Variants in WWP1 observed in about 807,000 individuals in gnomAD.
WWP1 encodes NEDD4-like E3 ubiquitin-protein ligase WWP1.
WWP1 carries 49 observed loss-of-function variants against 130.6 expected under a neutral mutation model. The ratio of observed to expected loss-of-function variants is 0.38; its 90% CI spans 0.30 to 0.48. The LOEUF (loss-of-function observed/expected upper bound fraction) is 0.48. Among genes scored for constraint, WWP1 ranks in the 20% least tolerant of loss-of-function variants. The probability of loss-of-function intolerance (pLI) is 0.99; values close to 1 mark genes in which losing one functional copy is unlikely to be tolerated. For missense variants in WWP1, 809 were observed against 1,100.6 expected (o/e 0.74, Z 3.75); for synonymous variants, 332 against 367.8 (o/e 0.90, Z 1.11).
In WWP1 at chr8:86,412,406, G is replaced by A. The variant is rs532849695; in HGVS notation, c.1061+532G>A. On this transcript the variant is annotated intron_variant, in intron 9 of 24. Transcript: ENST00000517970. ...AACTTCCCATGATTTTCTTTAAAGA[G>A]TATTCTATATGTGTATTCCATTCGG... Among the ~76,000 whole-genome samples the A allele has an allele frequency of 3.3e-5, 5 of 152,238 alleles. No individual in the cohort carries two copies. In the South Asian group the frequency reaches 1.0e-3, roughly 32 times the overall value.
intron 2 of WWP1, 97 bp downstream of exon 2, chr8:86,369,128 T>C (rs1011299868): frequency 1.3e-5 from 2 of 152,176 alleles, no homozygotes; most frequent in Non-Finnish European, 2.9e-5. Flanking sequence ...TAATACGTTG[T>C]CATAAAAAAT....
intron 5 of WWP1, among the ~76,000 whole-genome samples, chr8:86,384,123 G>T (rs1313073629): frequency 6.6e-6 from 1 of 152,026 alleles, no homozygotes; most frequent in Non-Finnish European, 1.5e-5. Context: ...CCCTTATCAG[G>T]ACACCAGTCA....
chr8:86,351,335 A>T (rs1336990685), intron 1 of WWP1, among the ~76,000 whole-genome samples: 2 of 151,546 alleles, frequency 1.3e-5, no homozygotes, highest in East Asian at 3.9e-4. Flanking sequence ...TCAAATTTCC[A>T]CCCCCAGCTT....
At chr8:86,357,362 A>G (rs1295576925) in intron 1 of WWP1, among the ~76,000 whole-genome samples, 1 of 152,164 alleles carries the variant, frequency 6.6e-6, no homozygotes, top group Non-Finnish European at 1.5e-5. Flanking sequence ...TATGACTGCT[A>G]ACAGCCAAAT....
rs79348409 is a variant in WWP1 at position 86,445,032 on chromosome 8, A to G, written c.1998+2254A>G. Among the ~76,000 whole-genome samples the G allele has an allele frequency of 3.1e-3, 469 of 152,174 alleles. 2 individuals carry two copies. Among genetic ancestry groups the G allele is most frequent in the African/African-American group, 0.011 (447 of 41,512 alleles). The stretch of plus-strand genomic sequence containing the variant: ...CTCAGGCTGCTTCCACTCATGGCAC[A>G]AGGGGAAGCAGCGTGTATGAAAGTC... On this transcript the variant is annotated intron_variant, in intron 18 of 24. Coordinates refer to ENST00000517970, the MANE Select transcript of WWP1 (RefSeq NM_007013.4).
In WWP1 at chr8:86,467,241, T is replaced by C. The variant is rs1812225292; in HGVS notation, c.*348T>C. 5.9e-6 allele frequency: 1 copy of C among 170,616 alleles called. No homozygotes were observed. Among genetic ancestry groups the C allele is most frequent in the Non-Finnish European group, 1.2e-5 (1 of 80,752 alleles). The allele number at this position is 170,616 out of a possible 1,614,324, so 10.6% of individuals were successfully genotyped here. ...TGACAGCCATTCATTCATAAAGATC[T>C]GGATTTGCTTTACCTTGTTAATATT... On this transcript the variant is annotated 3_prime_UTR_variant, in exon 25 of 25. Coordinates refer to ENST00000517970, the MANE Select transcript of WWP1 (RefSeq NM_007013.4).
At chr8:86,363,577 C>T (rs958510798) in intron 1 of WWP1, among the ~76,000 whole-genome samples, 17 of 151,636 alleles carry the variant, frequency 1.1e-4, no homozygotes, top group African/African-American at 3.4e-4. Context: ...CGAGGTGGGC[C>T]GATCACTTGA....
At chr8:86,390,546 C>T (rs1287172078) in intron 5 of WWP1, among the ~76,000 whole-genome samples, 1 of 152,262 alleles carries the variant, frequency 6.6e-6, no homozygotes, top group East Asian at 1.9e-4. Flanking sequence ...ATACAAAAAC[C>T]AGTCAGGCGT....
At chr8:86,351,103 A>T (rs1822892875) in intron 1 of WWP1, among the ~76,000 whole-genome samples, 1 of 152,214 alleles carries the variant, frequency 6.6e-6, no homozygotes, top group African/African-American at 2.4e-5. Flanking sequence ...CTTTTGTAAA[A>T]TGTAAAGAAT....
intron 22 of WWP1, among the ~76,000 whole-genome samples, chr8:86,459,023 C>CTTTTTTTTTTTTTTTTTT (rs71275853): frequency 3.2e-4 from 27 of 84,246 alleles, no homozygotes; most frequent in African/African-American, 7.9e-4. Context: ...TTTCTTTTTT[C>CTTTTTTTTTTTTTTTTTT]TTTTTTTTTT....
chr8:86,448,146 AG>A lies in WWP1; in HGVS notation c.1999del. 2 of 1,548,624 alleles carry A rather than the reference AG, an allele frequency of 1.3e-6. No homozygotes were observed. The highest frequency in any genetic ancestry group is 1.7e-6 in the Non-Finnish European group (2 of 1,161,750). ...AATAAAATTTTTCATTTTTCTTTGCAGGCACTATTTCATGGAAAGTTTATCG... is the reference window on the plus strand; with the variant it reads ...AATAAAATTTTTCATTTTTCTTTGCAGCACTATTTCATGGAAAGTTTATCG... On this transcript the variant is annotated splice_acceptor_variant, in intron 18 of 24. Transcript: ENST00000517970. LOFTEE classifies it high-confidence loss of function.
chr8:86,355,128 G>A (rs942359755), intron 1 of WWP1, among the ~76,000 whole-genome samples: 1 of 152,054 alleles, frequency 6.6e-6, no homozygotes, highest in African/African-American at 2.4e-5. Flanking sequence ...CTTAAAATTG[G>A]CACTTTGGAA....
chr8:86,389,649 C>T (rs753221585), intron 5 of WWP1, among the ~76,000 whole-genome samples: 41 of 152,368 alleles, frequency 2.7e-4, no homozygotes, highest in African/African-American at 3.4e-4. Context: ...CATCATGGCC[C>T]GTTCTCAATG....
At chr8:86,407,718 G>GT (rs985585335) in intron 8 of WWP1, among the ~76,000 whole-genome samples, 1 of 151,902 alleles carries the variant, frequency 6.6e-6, no homozygotes, top group Non-Finnish European at 1.5e-5. Context: ...GTTTCTAAGA[G>GT]TTTTTTTTAA....
intron 1 of WWP1, among the ~76,000 whole-genome samples, chr8:86,356,962 G>A (rs941106088): frequency 1.3e-5 from 2 of 152,146 alleles, no homozygotes; most frequent in African/African-American, 4.8e-5. Flanking sequence ...GTTTGTAATG[G>A]ATAGCTTTTT....
intron 1 of WWP1, among the ~76,000 whole-genome samples, chr8:86,347,049 G>T (rs1031249214): frequency 6.6e-6 from 1 of 151,628 alleles, no homozygotes; most frequent in African/African-American, 2.4e-5. Context: ...TTGCTCTGTT[G>T]CCCAGGCTGG....
rs1308107285 is a variant in WWP1 at position 86,461,855 on chromosome 8, A to G, written c.2669+9A>G. On this transcript the variant is annotated intron_variant, in intron 24 of 24. Coordinates refer to ENST00000517970, the MANE Select transcript of WWP1 (RefSeq NM_007013.4). ...CCAAGAAGCCATACATGGTAAGTTC[A>G]AGAATCCTAAATACGAAGGTGAAAG... The G allele has an allele frequency of 1.2e-5, 19 of 1,604,794 alleles. No individual in the cohort carries two copies. The East Asian group carries it at 4.2e-4, about 36-fold the overall frequency.
chr8:86,468,161 G>T lies in WWP1; in HGVS notation c.*1268G>T, dbSNP rs577830854. 260 of 235,792 alleles carry T rather than the reference G, an allele frequency of 1.1e-3. 1 individual carries two copies. The highest frequency in any genetic ancestry group is 2.1e-3 in the South Asian group (40 of 19,372). The allele number at this position is 235,792 out of a possible 1,614,324, so 14.6% of individuals were successfully genotyped here. The stretch of plus-strand genomic sequence containing the variant: ...TTGTATCATGCTTTTAATATGCACT[G>T]TAAATTTCATTAACTTAAACATTTT... On this transcript the variant is annotated 3_prime_UTR_variant, in exon 25 of 25. Transcript: ENST00000517970.
At chr8:86,436,298 A>G (rs546698167) in intron 16 of WWP1, among the ~76,000 whole-genome samples, 1 of 152,348 alleles carries the variant, frequency 6.6e-6, no homozygotes, top group Non-Finnish European at 1.5e-5. Context: ...TGATAATGCT[A>G]TCAAATTAAA....
Sources: gnomAD v4.1 joint callset for allele counts (sites outside exome capture counted in the v4.1 genomes callset) on GRCh38, gnomAD v4.1.1 for gene constraint, MANE v1.5 for transcripts, NCBI Gene and HGNC (gene_info 2026-07-23, HGNC 2026-07-21) for gene names.